Variants in EHD2 observed in about 807,000 individuals in gnomAD.
EHD2 encodes EH domain containing 2.
EHD2 carries 27 observed loss-of-function variants against 41.0 expected under a neutral mutation model. That is an observed-to-expected ratio of 0.66 (90% confidence interval 0.49 to 0.91). The LOEUF (loss-of-function observed/expected upper bound fraction) is 0.91, where lower values mean the gene tolerates loss of function less well. EHD2 is among the 40% of genes least tolerant of loss of function. The pLI is 0.00. For missense variants in EHD2, 673 were observed against 773.9 expected, an observed-to-expected ratio of 0.87 and a Z score of 1.55; for synonymous variants, 342 against 341.0, an observed-to-expected ratio of 1.00 and a Z score of -0.03.
At chr19:47,733,878 G>A (rs1225521354) in intron 4 of EHD2, among the ~76,000 whole-genome samples, 1 of 151,916 alleles carries the variant, frequency 6.6e-6, no homozygotes, top group Non-Finnish European at 1.5e-5. Context: ...CCCCCGAAAG[G>A]ATCTTGAGGA....
At chr19:47,717,096 G>A in intron 2 of EHD2, 80 bp downstream of exon 2, 2 of 1,558,006 alleles carry the variant, frequency 1.3e-6, no homozygotes, top group Non-Finnish European at 1.7e-6. Context: ...CGCCCAGGCT[G>A]GAGTGCAGTG....
chr19:47,718,090 T>C (rs186365682), intron 2 of EHD2, among the ~76,000 whole-genome samples: 24 of 150,538 alleles, frequency 1.6e-4, no homozygotes, highest in African/African-American at 5.9e-4. Flanking sequence ...CTGGCCAACA[T>C]GGTGAAACCC....
At chr19:47,734,386 G>A (rs1966900602) in intron 4 of EHD2, among the ~76,000 whole-genome samples, 1 of 151,964 alleles carries the variant, frequency 6.6e-6, no homozygotes, top group South Asian at 2.1e-4. Flanking sequence ...AGACATAGGA[G>A]GAGGCAAAAG....
chr19:47,737,231 C>CAAAA (rs34395536), intron 5 of EHD2, among the ~76,000 whole-genome samples: 1 of 64,744 alleles, frequency 1.5e-5, no homozygotes, highest in Non-Finnish European at 4.1e-5. Flanking sequence ...GACTCCGTCT[C>CAAAA]AAAAAAAAAA....
intron 4 of EHD2, 61 bp from the exon 5 acceptor site, chr19:47,736,308 G>A (rs1966921917): frequency 1.3e-6 from 2 of 1,516,802 alleles, no homozygotes; most frequent in South Asian, 2.6e-5. Flanking sequence ...CCTGCAGCCT[G>A]TGTTTTAACA....
In EHD2 at chr19:47,725,806, C is replaced by G; in HGVS notation, c.503-6C>G. The G allele has an allele frequency of 1.3e-6, 2 of 1,570,826 alleles. No homozygotes were observed. The highest frequency in any genetic ancestry group is 1.7e-6 in the Non-Finnish European group (2 of 1,152,416). ...TTGCGCCCCTGTCTCTCCACTCCCA[C>G]TCCAGGCTACGACTTCCCGGCCGTG... On this transcript the variant is annotated splice_polypyrimidine_tract_variant and splice_region_variant and intron_variant, in intron 3 of 5. Transcript: ENST00000263277.
intron 1 of EHD2, among the ~76,000 whole-genome samples, chr19:47,716,103 A>T (rs1230149683): frequency 2.0e-5 from 2 of 100,192 alleles, no homozygotes. Flanking sequence ...ATGGGGTCTT[A>T]CTCTGTAGCC....
chr19:47,719,368 G>A lies in EHD2; in HGVS notation c.502+762G>A, dbSNP rs567054552. Among the ~76,000 whole-genome samples, 1 of 152,130 alleles carries A rather than the reference G, an allele frequency of 6.6e-6. No homozygotes were observed. The highest frequency in any genetic ancestry group is 2.4e-5 in the African/African-American group (1 of 41,426). Reference sequence around the variant, plus strand: ...GATGGGGCCGAGAAGGGGATGGGAAGGGAATCTGGGTGGGGGCCAAGGCCA... The same window carrying A: ...GATGGGGCCGAGAAGGGGATGGGAAAGGAATCTGGGTGGGGGCCAAGGCCA... On this transcript the variant is annotated intron_variant, in intron 3 of 5. Transcript: ENST00000263277. The surrounding 1 kb of genome is among the most constrained non-coding windows in gnomAD (Gnocchi z 4.1).
At position 47,742,623 on chromosome 19, in the gene EHD2, C is replaced by T. The variant is rs2123664109; in HGVS notation, c.*1191C>T. 1 of 153,040 alleles carries T rather than the reference C, an allele frequency of 6.5e-6. No homozygotes were observed. The highest frequency in any genetic ancestry group is 2.1e-4 in the South Asian group (1 of 4,860). The allele number at this position is 153,040 out of a possible 1,614,324, so 9.5% of individuals were successfully genotyped here. A position where few individuals can be genotyped will look rare whatever the true frequency, so the allele number is the denominator to read the frequency against. ...CCGTAGCAGGCAGAAAAGCCCCTTC[C>T]ATCCTGCTCCTCTGATACTGTGCCC... is the stretch of plus-strand genomic sequence containing the variant. On this transcript the variant is annotated 3_prime_UTR_variant, in exon 6 of 6. Coordinates refer to ENST00000263277, the MANE Select transcript of EHD2 (RefSeq NM_014601.4).
Position 47,718,567 on chromosome 19 carries a change from C to G in EHD2, c.463C>G (p.Pro155Ala), listed in dbSNP as rs1973655739. 8.2e-6 allele frequency: 13 copies of G among 1,584,938 alleles called. No individual in the cohort carries two copies. Among genetic ancestry groups the G allele is most frequent in the Non-Finnish European group, 1.1e-5 (13 of 1,165,218 alleles). ...VLESISIIDTPGILSGAKQRV... is the reference protein window; with the variant it reads ...VLESISIIDTAGILSGAKQRV... ...GGAGAGCATCAGCATCATCGACACC[C>G]CGGGTATCCTGTCGGGTGCCAAGCA... Residue 155 changes from proline (P) to alanine (A), a missense_variant, in exon 3 of 6, where the codon CCG (proline) becomes GCG (alanine). By Grantham distance (27) the Pro-to-Ala change is conservative. Transcript: ENST00000263277.
At position 47,741,806 on chromosome 19, in the gene EHD2, C is replaced by T. The variant is rs999170033; in HGVS notation, c.*374C>T. 9 of 492,846 alleles carry T rather than the reference C, an allele frequency of 1.8e-5. No individual in the cohort carries two copies. Among genetic ancestry groups the T allele is most frequent in the Non-Finnish European group, 2.8e-5 (7 of 251,460 alleles). The allele number at this position is 492,846 out of a possible 1,614,324, so 30.5% of individuals were successfully genotyped here. On this transcript the variant is annotated 3_prime_UTR_variant, in exon 6 of 6. Transcript: ENST00000263277. The surrounding 1 kb of genome is among the most constrained non-coding windows in gnomAD (Gnocchi z 4.5). Reference sequence around the variant, plus strand: ...GAACAAAATAGACAAATACATCTGCCCTCATGGAAGGTGACGTTCCCAGGA... The same window carrying T: ...GAACAAAATAGACAAATACATCTGCTCTCATGGAAGGTGACGTTCCCAGGA...
chr19:47,728,213 T>C (rs1973772332), intron 4 of EHD2, among the ~76,000 whole-genome samples: 1 of 151,982 alleles, frequency 6.6e-6, no homozygotes, highest in Non-Finnish European at 1.5e-5. Context: ...ACTCCTTTCC[T>C]CTGTCCTCAT....
rs563904377 is a variant in EHD2, at chr19:47,742,255, C to A, written c.*823C>A. ...GTTTTTGCCCCCAGTTCTGTCCACA[C>A]CCCTTCCCTTTCCTGTCCTGTCCTT... On this transcript the variant is annotated 3_prime_UTR_variant, in exon 6 of 6. Transcript: ENST00000263277. The A allele has an allele frequency of 2.2e-5, 7 of 311,328 alleles. No homozygotes were observed. In the East Asian group the frequency reaches 5.5e-4, roughly 24 times the overall value. The allele number at this position is 311,328 out of a possible 1,614,324, so 19.3% of individuals were successfully genotyped here.
intron 4 of EHD2, chr19:47,729,642 G>A (rs1973787964): frequency 6.6e-6 from 1 of 152,556 alleles, no homozygotes; most frequent in Non-Finnish European, 1.5e-5. Flanking sequence ...CTAGGGGGTG[G>A]AGGAGCCTGA....
intron 1 of EHD2, among the ~76,000 whole-genome samples, chr19:47,715,285 C>T (rs1973613898): frequency 6.6e-6 from 1 of 152,054 alleles, no homozygotes; most frequent in Non-Finnish European, 1.5e-5. Context: ...CTTTGTGCCC[C>T]TGTGTCTGGC....
intron 4 of EHD2, among the ~76,000 whole-genome samples, chr19:47,735,603 A>G (rs1054943598): frequency 5.9e-5 from 9 of 151,868 alleles, no homozygotes; most frequent in Non-Finnish European, 1.0e-4. Flanking sequence ...GTCTCCAAAA[A>G]AAAAAGAAAA....
intron 5 of EHD2, among the ~76,000 whole-genome samples, chr19:47,737,876 CTT>C (rs1226699986): frequency 5.0e-5 from 5 of 100,050 alleles, no homozygotes; most frequent in Admixed American, 1.1e-4. Flanking sequence ...GCCTGGCTAG[CTT>C]TTTTTTTTTT....
At chr19:47,728,758 C>T (rs1297124546) in intron 4 of EHD2, among the ~76,000 whole-genome samples, 7 of 151,338 alleles carry the variant, frequency 4.6e-5, no homozygotes, top group African/African-American at 9.7e-5. Context: ...TTAGTGGAGA[C>T]GGGGTTTCAC....
At chr19:47,724,063 C>T (rs1031712058) in intron 3 of EHD2, among the ~76,000 whole-genome samples, 1 of 147,962 alleles carries the variant, frequency 6.8e-6, no homozygotes, top group Non-Finnish European at 1.5e-5. Flanking sequence ...CATTTATATT[C>T]TTTTAATCTT....
Sources: allele counts gnomAD v4.1 joint callset (sites outside exome capture counted in the v4.1 genomes callset), GRCh38; gene constraint gnomAD v4.1.1; non-coding constraint Gnocchi (gnomAD v3.1); transcripts MANE v1.5; gene names NCBI Gene and HGNC (gene_info 2026-07-23, HGNC 2026-07-21).